DOCK1: variants seen among roughly 807,000 people sequenced by gnomAD.
DOCK1 encodes dedicator of cytokinesis 1.
DOCK1 carries 138 observed loss-of-function variants against 262.7 expected under a neutral mutation model. The observed-to-expected ratio is 0.53, with a 90% CI of 0.46 to 0.61. The LOEUF (loss-of-function observed/expected upper bound fraction) is 0.61. Ranked by LOEUF, DOCK1 falls within the 20% of genes least tolerant of loss-of-function variation. The pLI, the probability that DOCK1 is intolerant of heterozygous loss-of-function variation, is 0.00. For missense variants in DOCK1, 1,908 were observed against 2,370.7 expected (o/e 0.80, Z 4.05); for synonymous variants, 866 against 867.4 (o/e 1.00, Z 0.03).
chr10:127,414,484 A>T (rs1020151642), intron 43 of DOCK1, among the ~76,000 whole-genome samples: 1 of 152,204 alleles, frequency 6.6e-6, no homozygotes, highest in Admixed American at 6.5e-5. Flanking sequence ...TTTACAAAGA[A>T]CACATTGTCA....
chr10:126,941,866 C>A (rs2035037188), intron 1 of DOCK1, among the ~76,000 whole-genome samples: 3 of 152,134 alleles, frequency 2.0e-5, no homozygotes, highest in South Asian at 2.1e-4. Context: ...TCTCAGCCCG[C>A]CTTTGCAGGT....
chr10:127,098,771 C>T (rs956707626), intron 23 of DOCK1, among the ~76,000 whole-genome samples: 1 of 152,070 alleles, frequency 6.6e-6, no homozygotes, highest in African/African-American at 2.4e-5. Context: ...CCACGCAGCA[C>T]CATCTATCCA....
intron 27 of DOCK1, among the ~76,000 whole-genome samples, chr10:127,216,402 G>A (rs1270453199): frequency 5.3e-5 from 8 of 152,072 alleles, no homozygotes; most frequent in Middle Eastern, 6.8e-3. Context: ...AGAGACTATT[G>A]CCTGTCTTTG....
chr10:127,385,916 T>C (rs1387935166), intron 38 of DOCK1, among the ~76,000 whole-genome samples: 1 of 152,198 alleles, frequency 6.6e-6, no homozygotes, highest in Non-Finnish European at 1.5e-5. Flanking sequence ...CCCACTCTCC[T>C]CCATCAGGTC....
intron 1 of DOCK1, among the ~76,000 whole-genome samples, chr10:126,945,458 AGAGAGAGAGAGAGG>A (rs1315589307): frequency 7.0e-6 from 1 of 143,012 alleles, no homozygotes; most frequent in Non-Finnish European, 1.6e-5. Flanking sequence ...AAGGGGAAAG[AGAGAGAGAGAGAGG>A]GAGAGAGAGA....
intron 29 of DOCK1, among the ~76,000 whole-genome samples, chr10:127,338,754 C>T (rs2063303159): frequency 6.6e-6 from 1 of 151,114 alleles, no homozygotes; most frequent in Non-Finnish European, 1.5e-5. Flanking sequence ...TCATACTTTT[C>T]AAATGTTACT....
At chr10:126,928,399 A>C (rs1229023319) in intron 1 of DOCK1, among the ~76,000 whole-genome samples, 3 of 152,258 alleles carry the variant, frequency 2.0e-5, no homozygotes, top group Admixed American at 6.5e-5. Flanking sequence ...AGTATTCTTA[A>C]GCCTCCAGCT....
At chr10:127,264,858 G>A (rs967931372) in intron 29 of DOCK1, among the ~76,000 whole-genome samples, 1 of 152,162 alleles carries the variant, frequency 6.6e-6, no homozygotes, top group East Asian at 1.9e-4. Flanking sequence ...TTGGAGAGAT[G>A]GGGTTTCGCC....
chr10:127,258,286 T>C (rs2059896770), intron 29 of DOCK1, among the ~76,000 whole-genome samples: 1 of 152,194 alleles, frequency 6.6e-6, no homozygotes, highest in Admixed American at 6.5e-5. Flanking sequence ...TACCCACATA[T>C]ACCTCTCCCC....
intron 10 of DOCK1, among the ~76,000 whole-genome samples, chr10:127,004,079 C>T (rs147521358): frequency 1.3e-5 from 2 of 151,744 alleles, no homozygotes; most frequent in Non-Finnish European, 1.5e-5. Flanking sequence ...GTGGTGAAAC[C>T]CTGTCTCTAC....
intron 46 of DOCK1, among the ~76,000 whole-genome samples, chr10:127,423,438 C>T (rs531046679): frequency 1.1e-4 from 17 of 152,278 alleles, no homozygotes; most frequent in South Asian, 4.1e-4. Flanking sequence ...ACCTGCTCCT[C>T]GCTGGGTGGG....
Position 127,446,468 on chromosome 10 carries a change from G to A in DOCK1, c.5414-926G>A, listed in dbSNP as rs957982128. On this transcript the variant is annotated intron_variant, in intron 50 of 51. Coordinates refer to ENST00000623213, the MANE Select transcript of DOCK1 (RefSeq NM_001290223.2). The surrounding 1 kb of genome is among the most constrained non-coding windows in gnomAD (Gnocchi z 4.4). ...TGGCTAAAATGGCAAATTTTATGTC[G>A]TGTATATCTTACCACAATAATAGCA... Among the ~76,000 whole-genome samples the A allele has an allele frequency of 2.6e-5, 4 of 152,094 alleles. No homozygotes were observed. The highest frequency in any genetic ancestry group is 1.9e-4 in the East Asian group (1 of 5,180).
intron 29 of DOCK1, among the ~76,000 whole-genome samples, chr10:127,331,761 A>T (rs1179556794): frequency 6.6e-6 from 1 of 152,168 alleles, no homozygotes; most frequent in African/African-American, 2.4e-5. Context: ...ACAGTTGCGA[A>T]AAGGTAGAAG....
chr10:127,287,302 A>C (rs971264457), intron 29 of DOCK1, among the ~76,000 whole-genome samples: 2 of 151,628 alleles, frequency 1.3e-5, no homozygotes, highest in African/African-American at 4.8e-5. Context: ...TCTTGGGCTC[A>C]AGCAATCCTC....
At chr10:127,299,979 G>A (rs764187606) in intron 29 of DOCK1, among the ~76,000 whole-genome samples, 2 of 152,128 alleles carry the variant, frequency 1.3e-5, no homozygotes, top group Admixed American at 6.5e-5. Context: ...CAGAGCATCC[G>A]GCCATTGAGA....
intron 35 of DOCK1, among the ~76,000 whole-genome samples, chr10:127,374,887 T>A (rs1477466582): frequency 6.6e-6 from 1 of 152,182 alleles, no homozygotes; most frequent in Non-Finnish European, 1.5e-5. Flanking sequence ...AGGGGAACGT[T>A]GTCCTACTCA....
intron 27 of DOCK1, among the ~76,000 whole-genome samples, chr10:127,148,894 C>A (rs1022396466): frequency 6.6e-6 from 1 of 152,172 alleles, no homozygotes; most frequent in African/African-American, 2.4e-5. Flanking sequence ...TGCATCACAA[C>A]CGAAGGGATG....
chr10:126,915,645 G>A (rs2032391452), intron 1 of DOCK1, among the ~76,000 whole-genome samples: 1 of 152,128 alleles, frequency 6.6e-6, no homozygotes, highest in South Asian at 2.1e-4. Context: ...GTAACACGGG[G>A]TTTCACTGTG....
intron 1 of DOCK1, among the ~76,000 whole-genome samples, chr10:126,907,948 G>C (rs2031167299): frequency 6.6e-6 from 1 of 152,226 alleles, no homozygotes; most frequent in Non-Finnish European, 1.5e-5. Flanking sequence ...AAGGCGAAAA[G>C]TATCTGGGAT....
Sources: allele counts gnomAD v4.1 joint callset (sites outside exome capture counted in the v4.1 genomes callset), GRCh38; gene constraint gnomAD v4.1.1; non-coding constraint Gnocchi (gnomAD v3.1); transcripts MANE v1.5; gene names NCBI Gene and HGNC (gene_info 2026-07-23, HGNC 2026-07-21).